Variants in RTN3 observed in about 807,000 individuals in gnomAD.
RTN3 encodes the protein reticulon-3.
A neutral mutation model predicts 77.8 loss-of-function variants in RTN3; 49 were observed. That is an observed-to-expected ratio of 0.63 (90% CI 0.50 to 0.80). RTN3 has a LOEUF of 0.80. Ranked by LOEUF, RTN3 falls within the 30% of genes least tolerant of loss-of-function variation. RTN3 has a pLI of 0.00. For synonymous variants in RTN3, 464 were observed against 446.9 expected (o/e 1.04, Z -0.48); for missense variants, 1,236 against 1,211.9 (o/e 1.02, Z -0.29).
intron 8 of RTN3, 39 bp downstream of exon 8, chr11:63,756,209 T>G: frequency 7.3e-7 from 1 of 1,367,518 alleles, no homozygotes; most frequent in South Asian, 1.2e-5. Context: ...TGAGGTATGC[T>G]TCCTTCCCCC....
At chr11:63,737,247 T>C (rs962024530) in intron 3 of RTN3, among the ~76,000 whole-genome samples, 5 of 152,160 alleles carry the variant, frequency 3.3e-5, no homozygotes, top group Non-Finnish European at 5.9e-5. Flanking sequence ...CAAGAATGCA[T>C]AGGAAAACAT....
rs748486472 is a variant in RTN3 at position 63,681,667 on chromosome 11, C to A, written c.31C>A (p.His11Asn). The A allele has an allele frequency of 1.2e-6, 2 of 1,611,748 alleles. No individual in the cohort carries two copies. The highest frequency in any genetic ancestry group is 4.5e-5 in the East Asian group (2 of 44,766). ...GGAGCCGTCGGCGGCCACTCAGTCCCATTCCATCTCCTCGTCGTCCTTCGG... is the reference window on the plus strand; with the variant it reads ...GGAGCCGTCGGCGGCCACTCAGTCCAATTCCATCTCCTCGTCGTCCTTCGG... MAEPSAATQS[H>N]SISSSSFGAE... The change falls in exon 1 of 9, where the codon CAT becomes AAT. Residue 11 changes from histidine to asparagine, a missense_variant. This residue lies in a region of RTN3 where 1,056 missense variants were observed against 990.4 expected (regional missense o/e 1.07). Coordinates refer to ENST00000377819, the MANE Select transcript of RTN3 (RefSeq NM_001265589.2).
chr11:63,724,484 CTTTTT>C (rs34237318), intron 3 of RTN3, among the ~76,000 whole-genome samples: 3 of 81,758 alleles, frequency 3.7e-5, no homozygotes, highest in African/African-American at 1.4e-4. Context: ...GTGCCCGGCC[CTTTTT>C]TTTTTTTTTT....
At position 63,752,621 on chromosome 11, in the gene RTN3, A is replaced by G. The variant is rs1416572502; in HGVS notation, c.2853A>G (p.Val951=). Residue 951 remains valine, a synonymous_variant, in exon 5 of 9, where the codon GTA becomes GTG. Transcript: ENST00000377819. ...ALKLIIRLFL[V]EDLVDSLKLA... is the part of the protein sequence containing the mutation. ...AACTCATTATTCGTCTCTTTCTGGT[A>G]GAAGATCTGGTTGACTCCTTGAAGG... is the stretch of plus-strand genomic sequence containing the variant. 5 of 1,614,144 alleles carry G rather than the reference A, an allele frequency of 3.1e-6. No individual in the cohort carries two copies. The highest frequency in any genetic ancestry group is 2.2e-5 in the East Asian group (1 of 44,888).
Position 63,736,341 on chromosome 11 carries a change from A to G in RTN3, c.2531-13650A>G, listed in dbSNP as rs1005604426. On this transcript the variant is annotated intron_variant, in intron 3 of 8. Transcript: ENST00000377819. The stretch of plus-strand genomic sequence containing the variant: ...AGTCCTCTGCATCCGCAGGTTCTGC[A>G]TCCTTGGGTTCAACCAACCTCGGAT... Among the ~76,000 whole-genome samples the G allele has an allele frequency of 3.9e-5, 6 of 152,324 alleles. No individual in the cohort carries two copies. The East Asian group carries it at 1.2e-3, about 29-fold the overall frequency.
intron 1 of RTN3, among the ~76,000 whole-genome samples, chr11:63,701,082 CCTT>C (rs1367553949): frequency 2.0e-5 from 2 of 102,406 alleles, no homozygotes; most frequent in East Asian, 3.8e-4. Flanking sequence ...GAGCGAGACT[CCTT>C]CTCAAAAAAA....
At chr11:63,689,338 G>A (rs1048712750) in intron 1 of RTN3, among the ~76,000 whole-genome samples, 2 of 152,220 alleles carry the variant, frequency 1.3e-5, no homozygotes, top group African/African-American at 4.8e-5. Context: ...ATTTATGACA[G>A]CTACTAGTTG....
intron 1 of RTN3, among the ~76,000 whole-genome samples, chr11:63,690,090 A>G (rs554633637): frequency 6.6e-6 from 1 of 152,242 alleles, no homozygotes; most frequent in South Asian, 2.1e-4. Flanking sequence ...GTTTTCTCCA[A>G]TCAACTGATT....
At position 63,681,741 on chromosome 11, in the gene RTN3, C is replaced by T. The variant is rs371351138; in HGVS notation, c.105C>T (p.Pro35=). ...GCGGCGGGAGCCCAGGAGCCTGCCC[C>T]GCCCTGGGGACGAAGAGCTGCAGCT... ...PGGGGSPGAC[P]ALGTKSCSSS... Residue 35 remains proline, a synonymous_variant, in exon 1 of 9, where the codon CCC becomes CCT. Coordinates refer to ENST00000377819, the MANE Select transcript of RTN3 (RefSeq NM_001265589.2). The T allele has an allele frequency of 7.0e-4, 1,127 of 1,606,558 alleles. 4 individuals are homozygous for T. The highest frequency in any genetic ancestry group is 1.2e-3 in the South Asian group (111 of 90,694).
intron 2 of RTN3, among the ~76,000 whole-genome samples, chr11:63,717,213 T>C (rs2011465770): frequency 6.6e-6 from 1 of 151,872 alleles, no homozygotes; most frequent in South Asian, 2.1e-4. Flanking sequence ...GCCCTTGGGA[T>C]ATTTGTTTTG....
chr11:63,730,865 G>T (rs1365839309), intron 3 of RTN3, among the ~76,000 whole-genome samples: 2 of 152,100 alleles, frequency 1.3e-5, no homozygotes, highest in Non-Finnish European at 2.9e-5. Flanking sequence ...GTAATAATTG[G>T]AAAATTTAAT....
chr11:63,732,556 C>T (rs1340899572), intron 3 of RTN3, among the ~76,000 whole-genome samples: 3 of 151,132 alleles, frequency 2.0e-5, no homozygotes, highest in African/African-American at 7.3e-5. Context: ...CCATTCAGAT[C>T]CTACAGATAT....
intron 2 of RTN3, among the ~76,000 whole-genome samples, chr11:63,707,995 G>A (rs563517170): frequency 5.9e-5 from 9 of 152,354 alleles, no homozygotes; most frequent in Non-Finnish European, 1.3e-4. Flanking sequence ...AGCCTGTTCA[G>A]TTGTTTGAAG....
At chr11:63,741,869 C>T (rs556226825) in intron 3 of RTN3, among the ~76,000 whole-genome samples, 17 of 152,158 alleles carry the variant, frequency 1.1e-4, no homozygotes, top group African/African-American at 3.4e-4. Context: ...CATTCTATTG[C>T]TCTATTATCT....
At chr11:63,752,419 G>T in intron 4 of RTN3, 88 bp from the exon 5 acceptor site, 1 of 1,334,526 alleles carries the variant, frequency 7.5e-7, no homozygotes, top group Non-Finnish European at 1.1e-6. Flanking sequence ...ATGCACCCTG[G>T]GAACCAATTT....
rs550199424 is a variant in RTN3, at chr11:63,720,260, C to T, written c.1758C>T (p.Pro586=). 58 of 1,613,858 alleles carry T rather than the reference C, an allele frequency of 3.6e-5. No homozygotes were observed. Among genetic ancestry groups the T allele is most frequent in the Middle Eastern group, 1.6e-4 (1 of 6,062 alleles). The change falls in exon 3 of 9, where the codon CCC becomes CCT. Residue 586 remains proline (P), a synonymous_variant. Coordinates refer to ENST00000377819, the MANE Select transcript of RTN3 (RefSeq NM_001265589.2). ...PASEAACSKV[P]DTNVSLEDVS... ...GTGAGGCAGCATGTTCAAAAGTACC[C>T]GATACGAATGTCTCCTTAGAAGATG...
chr11:63,738,417 AT>A (rs1263119540), intron 3 of RTN3, among the ~76,000 whole-genome samples: 1 of 152,130 alleles, frequency 6.6e-6, no homozygotes, highest in Non-Finnish European at 1.5e-5. Flanking sequence ...AGGAGGGCAG[AT>A]TGCTTGAGCC....
chr11:63,708,274 T>G (rs1160159383), intron 2 of RTN3, among the ~76,000 whole-genome samples: 1 of 152,102 alleles, frequency 6.6e-6, no homozygotes. Flanking sequence ...CTATCTAGCC[T>G]TAGGGAAATT....
chr11:63,716,963 C>T (rs180683382), intron 2 of RTN3, among the ~76,000 whole-genome samples: 2,671 of 104,474 alleles, frequency 0.026, 29 homozygotes, highest in Middle Eastern at 0.05. Flanking sequence ...AGCAAGACTC[C>T]GTCTCAAAAA....
Sources: gnomAD v4.1 joint callset for allele counts (sites outside exome capture counted in the v4.1 genomes callset) on GRCh38, gnomAD v4.1.1 for gene constraint, gnomAD v4.1.1 regional missense constraint, MANE v1.5 for transcripts, NCBI Gene and HGNC (gene_info 2026-07-23, HGNC 2026-07-21) for gene names.